SCN8A: variants seen among roughly 807,000 people sequenced by gnomAD.
The protein encoded by SCN8A is sodium voltage-gated channel alpha subunit 8.
A neutral mutation model predicts 184.1 loss-of-function variants in SCN8A; 30 were observed. The ratio of observed to expected loss-of-function variants is 0.16; its 90% CI spans 0.12 to 0.22. The LOEUF (loss-of-function observed/expected upper bound fraction) is 0.22. SCN8A is among the 10% of genes least tolerant of loss of function. The probability of loss-of-function intolerance (pLI) is 1.00; values close to 1 mark genes in which losing one functional copy is unlikely to be tolerated. For missense variants in SCN8A, 1,057 were observed against 2,498.9 expected, an observed-to-expected ratio of 0.42 and a Z score of 12.30; for synonymous variants, 852 against 907.0, an observed-to-expected ratio of 0.94 and a Z score of 1.09.
intron 22 of SCN8A, chr12:51,788,468 A>C (rs1042604568): frequency 5.7e-6 from 2 of 348,040 alleles, no homozygotes; most frequent in Non-Finnish European, 5.2e-6. Context: ...CCTTAATCCC[A>C]TTACCATTTT....
chr12:51,746,096 A>C (rs753804271), intron 13 of SCN8A, 61 bp downstream of exon 13: 43 of 1,447,958 alleles, frequency 3.0e-5, no homozygotes, highest in Non-Finnish European at 3.9e-5. Flanking sequence ...TGCATGGTAA[A>C]TATAATCCCT....
intron 12 of SCN8A, among the ~76,000 whole-genome samples, chr12:51,727,236 AACTT>A (rs1466809717): frequency 3.3e-5 from 5 of 152,126 alleles, no homozygotes; most frequent in Admixed American, 6.5e-5. Flanking sequence ...ACTTCCAAAG[AACTT>A]ACTTAAGGTT....
chr12:51,752,563 A>G (rs1942612481), intron 14 of SCN8A, among the ~76,000 whole-genome samples: 2 of 152,204 alleles, frequency 1.3e-5, no homozygotes, highest in Admixed American at 1.3e-4. Flanking sequence ...GTTCCCTGGT[A>G]TACATCCAAG....
chr12:51,627,587 G>T (rs1036853970), intron 1 of SCN8A, among the ~76,000 whole-genome samples: 1 of 152,068 alleles, frequency 6.6e-6, no homozygotes, highest in Non-Finnish European at 1.5e-5. Flanking sequence ...TCACCGTGTT[G>T]GCCAGGGTGG....
At chr12:51,631,973 C>T (rs992341893) in intron 1 of SCN8A, among the ~76,000 whole-genome samples, 1 of 152,192 alleles carries the variant, frequency 6.6e-6, no homozygotes, top group African/African-American at 2.4e-5. Flanking sequence ...TCCCCCCACT[C>T]CCCTGTCTAA....
chr12:51,770,731 T>G (rs1356004598), intron 19 of SCN8A, 48 bp downstream of exon 19: 4 of 1,590,000 alleles, frequency 2.5e-6, no homozygotes, highest in Non-Finnish European at 3.4e-6. Flanking sequence ...GGGAAGGGTG[T>G]AGAGAAGCCA....
intron 1 of SCN8A, among the ~76,000 whole-genome samples, chr12:51,654,400 T>C (rs1354186203): frequency 6.6e-6 from 1 of 152,234 alleles, no homozygotes; most frequent in East Asian, 1.9e-4. Flanking sequence ...AACTTCGTTC[T>C]TTTGCAAGTG....
chr12:51,608,909 C>G (rs769923642), intron 1 of SCN8A, among the ~76,000 whole-genome samples: 1 of 152,072 alleles, frequency 6.6e-6, no homozygotes, highest in Non-Finnish European at 1.5e-5. Flanking sequence ...TTTGCTGTAT[C>G]CCAGAGGTTT....
intron 1 of SCN8A, among the ~76,000 whole-genome samples, chr12:51,620,625 A>G (rs1939939574): frequency 6.6e-6 from 1 of 152,142 alleles, no homozygotes; most frequent in African/African-American, 2.4e-5. Flanking sequence ...TCATTGCATA[A>G]AACATTCTTG....
intron 21 of SCN8A, among the ~76,000 whole-genome samples, chr12:51,786,040 C>T (rs1370028249): frequency 6.6e-6 from 1 of 152,070 alleles, no homozygotes; most frequent in Non-Finnish European, 1.5e-5. Flanking sequence ...AATAAAATAA[C>T]TGGCCTTGCG....
intron 5 of SCN8A, 104 bp downstream of exon 5, chr12:51,687,323 G>GTGTACCCACACTGGCACTTCCTGA: frequency 7.5e-7 from 1 of 1,337,026 alleles, no homozygotes; most frequent in Non-Finnish European, 1.0e-6. Flanking sequence ...ACAGCTGTAT[G>GTGTACCCACACTGGCACTTCCTGA]AGGAATTAAT....
At chr12:51,621,078 C>T (rs1475145526) in intron 1 of SCN8A, among the ~76,000 whole-genome samples, 1 of 152,202 alleles carries the variant, frequency 6.6e-6, no homozygotes, top group East Asian at 1.9e-4. Context: ...TTCAGTGGGG[C>T]TGGCTTTCTG....
At chr12:51,745,133 A>G (rs1451597431) in intron 12 of SCN8A, among the ~76,000 whole-genome samples, 1 of 152,212 alleles carries the variant, frequency 6.6e-6, no homozygotes, top group Non-Finnish European at 1.5e-5. Flanking sequence ...GTAATCTACC[A>G]TACCAGTTAT....
intron 21 of SCN8A, 32 bp downstream of exon 21, chr12:51,780,803 A>C: frequency 6.5e-7 from 1 of 1,546,306 alleles, no homozygotes; most frequent in Non-Finnish European, 8.7e-7. Flanking sequence ...ATCCTTCTGC[A>C]TGCCAGTGGA....
At chr12:51,772,833 T>A (rs549697959) in intron 19 of SCN8A, among the ~76,000 whole-genome samples, 18 of 135,932 alleles carry the variant, frequency 1.3e-4, no homozygotes, top group African/African-American at 4.5e-4. Context: ...ACAAAAAAAA[T>A]TAACCGGGCA....
chr12:51,638,738 G>GC (rs1458014794), intron 1 of SCN8A, among the ~76,000 whole-genome samples: 7 of 152,136 alleles, frequency 4.6e-5, no homozygotes, highest in African/African-American at 1.7e-4. Context: ...ACCCTCCTCA[G>GC]CCTCCCAAAG....
intron 2 of SCN8A, among the ~76,000 whole-genome samples, chr12:51,671,442 A>T (rs1433564368): frequency 6.6e-6 from 1 of 152,138 alleles, no homozygotes; most frequent in Non-Finnish European, 1.5e-5. Context: ...GAATTCTAGG[A>T]TGTGTGTTAT....
intron 15 of SCN8A, among the ~76,000 whole-genome samples, chr12:51,765,172 GT>G (rs370343333): frequency 1.6e-3 from 244 of 148,606 alleles, no homozygotes; most frequent in South Asian, 8.1e-3. Context: ...TATCACAACG[GT>G]TTTTTTTTTA....
In SCN8A at chr12:51,769,855, C is replaced by T. The variant is rs750470187; in HGVS notation, c.3373-13C>T. ...TCAGAGCTGCCTGATCTCCCTTTTC[C>T]TTGCGTGTCTAGAAACTAGATGACA... is the stretch of plus-strand genomic sequence containing the variant. On this transcript the variant is annotated splice_polypyrimidine_tract_variant and intron_variant, in intron 17 of 26. Coordinates refer to ENST00000627620, the MANE Select transcript of SCN8A (RefSeq NM_001330260.2). 8 of 1,560,754 alleles carry T rather than the reference C, an allele frequency of 5.1e-6. No individual in the cohort carries two copies. In the Admixed American group the frequency reaches 9.2e-5, roughly 18 times the overall value.
Sources: gnomAD v4.1 joint callset for allele counts (sites outside exome capture counted in the v4.1 genomes callset) on GRCh38, gnomAD v4.1.1 for gene constraint, MANE v1.5 for transcripts, NCBI Gene and HGNC (gene_info 2026-07-23, HGNC 2026-07-21) for gene names.